RTN1: variants seen among roughly 807,000 people sequenced by gnomAD.
The protein encoded by RTN1 is reticulon 1.
In RTN1, 25 loss-of-function variants were observed where a neutral mutation model predicts 65.5. That is an observed-to-expected ratio of 0.38 (90% CI 0.28 to 0.53). The LOEUF is 0.53. Ranked by LOEUF, RTN1 falls within the 20% of genes least tolerant of loss-of-function variation. The probability of loss-of-function intolerance (pLI) is 0.79; values close to 1 mark genes in which losing one functional copy is unlikely to be tolerated. For missense variants in RTN1, 983 were observed against 1,025.4 expected, an observed-to-expected ratio of 0.96 and a Z score of 0.57; for synonymous variants, 471 against 447.6, an observed-to-expected ratio of 1.05 and a Z score of -0.66.
At chr14:59,850,263 C>T (rs1205131883) in intron 1 of RTN1, among the ~76,000 whole-genome samples, 2 of 152,202 alleles carry the variant, frequency 1.3e-5, no homozygotes, top group African/African-American at 4.8e-5. Flanking sequence ...GTTGAAAACA[C>T]AATGTATCTC....
Position 59,678,513 on chromosome 14 carries a change from C to T in RTN1, c.1765+48406G>A, listed in dbSNP as rs138796254. On this transcript the variant is annotated intron_variant, in intron 3 of 8. Coordinates refer to ENST00000267484, the MANE Select transcript of RTN1 (RefSeq NM_021136.3). ...AGCGCACTCAGATTGCAGATTGCAG[C>T]ATCCCTGTTTCTCTACCTTGTGCCT... Among the ~76,000 whole-genome samples the T allele has an allele frequency of 2.3e-3, 348 of 152,324 alleles. 3 individuals are homozygous for T. The highest frequency in any genetic ancestry group is 7.8e-3 in the African/African-American group (326 of 41,576).
intron 3 of RTN1, among the ~76,000 whole-genome samples, chr14:59,699,276 AAAAATAAAAAAT>A (rs1385365009): frequency 3.3e-5 from 5 of 152,056 alleles, no homozygotes; most frequent in Non-Finnish European, 5.9e-5. Flanking sequence ...ATGGAAATAA[AAAAATAAAAAAT>A]AAAATAAAAT....
chr14:59,621,521 C>T (rs975083974), intron 3 of RTN1, among the ~76,000 whole-genome samples: 2 of 152,210 alleles, frequency 1.3e-5, no homozygotes, highest in South Asian at 4.1e-4. Flanking sequence ...TATGAGCACA[C>T]ACACTGCAGC....
chr14:59,782,480 T>C (rs549631680), intron 1 of RTN1, among the ~76,000 whole-genome samples: 1 of 152,338 alleles, frequency 6.6e-6, no homozygotes, highest in Middle Eastern at 3.4e-3. Context: ...CCAATTTAGA[T>C]AGTGCACTTT....
intron 2 of RTN1, among the ~76,000 whole-genome samples, chr14:59,737,983 CT>C (rs1368497346): frequency 2.6e-5 from 4 of 152,182 alleles, no homozygotes; most frequent in African/African-American, 9.7e-5. Context: ...AACTGGACCC[CT>C]TCCTTACACA....
chr14:59,689,252 G>A (rs935261342), intron 3 of RTN1, among the ~76,000 whole-genome samples: 2 of 152,010 alleles, frequency 1.3e-5, no homozygotes, highest in African/African-American at 4.8e-5. Context: ...AACACAGTCA[G>A]ACAAAAATAA....
chr14:59,701,080 G>A (rs1341827910), intron 3 of RTN1, among the ~76,000 whole-genome samples: 1 of 152,078 alleles, frequency 6.6e-6, no homozygotes, highest in Non-Finnish European at 1.5e-5. Flanking sequence ...TTTCTGCAAA[G>A]AAGACCAATG....
Position 59,745,702 on chromosome 14 carries a change from C to T in RTN1, c.1015+6G>A. On this transcript the variant is annotated splice_donor_region_variant and intron_variant, in intron 2 of 8. Transcript: ENST00000267484. ...TTCCTAAGTCAAGCAATAACAGGGCCTTTACCTGTTCCAGAAGATGGAGGG... is the reference window on the plus strand; with the variant it reads ...TTCCTAAGTCAAGCAATAACAGGGCTTTTACCTGTTCCAGAAGATGGAGGG... 2 of 1,591,146 alleles carry T rather than the reference C, an allele frequency of 1.3e-6. No individual in the cohort carries two copies. The highest frequency in any genetic ancestry group is 8.5e-7 in the Non-Finnish European group (1 of 1,170,968).
intron 3 of RTN1, among the ~76,000 whole-genome samples, chr14:59,695,427 G>A (rs542764219): frequency 8.9e-4 from 136 of 152,290 alleles, no homozygotes; most frequent in African/African-American, 3.1e-3. Context: ...AAGCCTAAAC[G>A]TGACTGTGTG....
chr14:59,804,925 G>C (rs183440546), intron 1 of RTN1, among the ~76,000 whole-genome samples: 150 of 152,312 alleles, frequency 9.8e-4, no homozygotes, highest in Non-Finnish European at 1.6e-3. Context: ...GAATTTTGCA[G>C]ATGGTGACTT....
At chr14:59,841,722 A>C (rs892184041) in intron 1 of RTN1, among the ~76,000 whole-genome samples, 2 of 151,670 alleles carry the variant, frequency 1.3e-5, no homozygotes, top group African/African-American at 4.9e-5. Context: ...AAAACAAAAA[A>C]AAAAACAGCA....
chr14:59,709,224 A>T (rs1884363525), intron 3 of RTN1, among the ~76,000 whole-genome samples: 2 of 152,224 alleles, frequency 1.3e-5, no homozygotes, highest in African/African-American at 4.8e-5. Context: ...AAAAGTAGAC[A>T]AAACAAATAT....
chr14:59,750,021 AT>A lies in RTN1; in HGVS notation c.242-3541del, dbSNP rs1408297690. 6.0e-4 allele frequency among the ~76,000 whole-genome samples: 50 copies of A among 82,970 alleles called. 1 individual carries two copies. Among genetic ancestry groups the A allele is most frequent in the East Asian group, 5.5e-3 (18 of 3,294 alleles). 54.4% of individuals were successfully genotyped at this position (82,970 alleles called of 152,430 possible). On this transcript the variant is annotated intron_variant, in intron 1 of 8. Coordinates refer to ENST00000267484, the MANE Select transcript of RTN1 (RefSeq NM_021136.3). ...TATATTATATACATATATATTATAT[AT>A]TATATTATATACATATATTATATAT...
At chr14:59,612,001 G>T (rs529260083) in intron 3 of RTN1, among the ~76,000 whole-genome samples, 36 of 152,264 alleles carry the variant, frequency 2.4e-4, no homozygotes, top group African/African-American at 7.7e-4. Flanking sequence ...CTTGCCCAGA[G>T]ACCCCATTGT....
At position 59,666,805 on chromosome 14, in the gene RTN1, C is replaced by CTA. The variant is rs1362690396; in HGVS notation, c.1766-59315_1766-59314dup. 1.2e-4 allele frequency among the ~76,000 whole-genome samples: 18 copies of CTA among 151,802 alleles called. 2 individuals are homozygous for CTA. Among genetic ancestry groups the CTA allele is most frequent in the Admixed American group, 7.2e-4 (11 of 15,238 alleles). ...AAATACAGACTATCATCAGAGAATACTAAACACCTCTACACAAATAAACTA... is the reference window on the plus strand; with the variant it reads ...AAATACAGACTATCATCAGAGAATACTATAAACACCTCTACACAAATAAACTA... On this transcript the variant is annotated intron_variant, in intron 3 of 8. Transcript: ENST00000267484.
intron 3 of RTN1, among the ~76,000 whole-genome samples, chr14:59,626,473 A>T (rs2140181042): frequency 1.3e-5 from 2 of 152,370 alleles, no homozygotes; most frequent in South Asian, 4.1e-4. Flanking sequence ...ACTACTAAGC[A>T]TCCTGCCAGG....
chr14:59,823,347 T>A (rs979322742), intron 1 of RTN1, among the ~76,000 whole-genome samples: 12 of 152,136 alleles, frequency 7.9e-5, no homozygotes, highest in Non-Finnish European at 1.5e-5. Context: ...CTGCTCTTTC[T>A]CGTTTCCCTT....
chr14:59,720,230 C>T (rs781080883), intron 3 of RTN1, among the ~76,000 whole-genome samples: 1 of 148,032 alleles, frequency 6.8e-6, no homozygotes, highest in Non-Finnish European at 1.5e-5. Flanking sequence ...GGAAACCCCA[C>T]CACTCAGTGA....
At chr14:59,686,726 CA>C (rs1883854057) in intron 3 of RTN1, among the ~76,000 whole-genome samples, 1 of 152,162 alleles carries the variant, frequency 6.6e-6, no homozygotes, top group Admixed American at 6.5e-5. Flanking sequence ...GGGATCTGAG[CA>C]GCCCAGGTTA....
Sources: gnomAD v4.1 joint callset for allele counts (sites outside exome capture counted in the v4.1 genomes callset) on GRCh38, gnomAD v4.1.1 for gene constraint, MANE v1.5 for transcripts, NCBI Gene and HGNC (gene_info 2026-07-23, HGNC 2026-07-21) for gene names.